The following FSHR variants were observed in gnomAD, a reference collection of about 807,000 sequenced individuals.
FSHR encodes the protein follicle-stimulating hormone receptor.
FSHR carries 46 observed loss-of-function variants against 52.1 expected under a neutral mutation model. That is an observed-to-expected ratio of 0.88 (90% CI 0.70 to 1.13). FSHR has a LOEUF of 1.13. FSHR is among the 50% of genes most tolerant of loss of function. The probability of loss-of-function intolerance (pLI) is 0.00; values close to 1 mark genes in which losing one functional copy is unlikely to be tolerated. For synonymous variants in FSHR, 399 were observed against 309.6 expected (o/e 1.29, Z -3.03); for missense variants, 964 against 834.6 (o/e 1.16, Z -1.91).
intron 4 of FSHR, among the ~76,000 whole-genome samples, chr2:48,993,388 G>A (rs1675872251): frequency 6.6e-6 from 1 of 152,088 alleles, no homozygotes; most frequent in Admixed American, 6.6e-5. Flanking sequence ...GACAGTTAAA[G>A]TTGGCTTGGC....
intron 1 of FSHR, among the ~76,000 whole-genome samples, chr2:49,080,143 C>T (rs1670112919): frequency 6.6e-6 from 1 of 152,094 alleles, no homozygotes; most frequent in South Asian, 2.1e-4. Flanking sequence ...GTAAACAATA[C>T]TTTGACACCT....
chr2:48,997,443 C>A (rs187880149), intron 4 of FSHR: 16 of 925,086 alleles, frequency 1.7e-5, no homozygotes, highest in Non-Finnish European at 2.1e-5. Flanking sequence ...TCTGTTCGGA[C>A]CTAGCATCCT....
At chr2:48,964,528 G>A (rs1487048371) in intron 9 of FSHR, among the ~76,000 whole-genome samples, 1 of 152,186 alleles carries the variant, frequency 6.6e-6, no homozygotes, top group East Asian at 1.9e-4. Flanking sequence ...TAATTTGCCG[G>A]AAATGTTACC....
At chr2:49,104,535 C>A (rs1034275938) in intron 1 of FSHR, among the ~76,000 whole-genome samples, 23 of 152,102 alleles carry the variant, frequency 1.5e-4, no homozygotes, top group African/African-American at 5.5e-4. Context: ...TCAGTCTTTT[C>A]TTTGCATTCT....
intron 4 of FSHR, among the ~76,000 whole-genome samples, chr2:49,011,384 G>T (rs1485685031): frequency 3.3e-5 from 5 of 152,088 alleles, no homozygotes; most frequent in Admixed American, 6.6e-5. Context: ...TTGCAATGTG[G>T]TCTGAGAGAT....
rs1674357170 is a variant in FSHR, at chr2:48,963,921, T to C, written c.900A>G (p.Glu300=). The change falls in exon 10 of 10, where the codon GAA becomes GAG. Residue 300 remains glutamate, a synonymous_variant. Transcript: ENST00000406846. The stretch of plus-strand genomic sequence containing the variant: ...CCCTAGCCTGAGTCATATAATCAAC[T>C]TCTTGCCTTAAAATAGATTTGTTGC... ...PICNKSILRQ[E]VDYMTQARGQ... The C allele has an allele frequency of 6.2e-7, 1 of 1,613,944 alleles. No individual in the cohort carries two copies. The highest frequency in any genetic ancestry group is 8.5e-7 in the Non-Finnish European group (1 of 1,179,914).
At chr2:49,005,130 T>C (rs1240118690) in intron 4 of FSHR, among the ~76,000 whole-genome samples, 1 of 152,158 alleles carries the variant, frequency 6.6e-6, no homozygotes, top group Admixed American at 6.5e-5. Flanking sequence ...TCAAGTGATC[T>C]CTTTGCTGAT....
In FSHR at chr2:48,963,135, C is replaced by G. The variant is rs1315632795; in HGVS notation, c.1686G>C (p.Val562=). ...CGATCCTGGTGTCACTAGAGGAGGACACGATGTTGGGGTTCCGCACTGTGA... is the reference window on the plus strand; with the variant it reads ...CGATCCTGGTGTCACTAGAGGAGGAGACGATGTTGGGGTTCCGCACTGTGA... ...IYLTVRNPNI[V]SSSSDTRIAK... The change falls in exon 10 of 10, where the codon GTG becomes GTC. Residue 562 remains valine (V), a synonymous_variant. Coordinates refer to ENST00000406846, the MANE Select transcript of FSHR (RefSeq NM_000145.4). 1 of 1,614,036 alleles carries G rather than the reference C, an allele frequency of 6.2e-7. No homozygotes were observed. Among genetic ancestry groups the G allele is most frequent in the Admixed American group, 1.7e-5 (1 of 59,990 alleles).
At chr2:49,065,479 G>A (rs1437421427) in intron 2 of FSHR, among the ~76,000 whole-genome samples, 1 of 152,116 alleles carries the variant, frequency 6.6e-6, no homozygotes, top group Non-Finnish European at 1.5e-5. Context: ...AGTCAAGGGA[G>A]ACTGGATTTT....
rs752516112 is a variant in FSHR, at chr2:48,962,799, T to C, written c.2022A>G (p.Ser674=). 6.8e-6 allele frequency: 11 copies of C among 1,614,138 alleles called. No homozygotes were observed. Among genetic ancestry groups the C allele is most frequent in the Non-Finnish European group, 9.3e-6 (11 of 1,179,986 alleles). The change falls in exon 10 of 10, where the codon TCA becomes TCG. Residue 674 remains serine, a synonymous_variant. Coordinates refer to ENST00000406846, the MANE Select transcript of FSHR (RefSeq NM_000145.4). ...TGGAACCACTGGTGACTCTGGGAGC[T>C]GAAGAGCAGTGGCCATTCCTTGGAT... ...NTHPRNGHCS[S]APRVTSGSTY... is the part of the protein sequence containing the mutation.
chr2:48,998,352 T>G (rs1418100982), intron 4 of FSHR, among the ~76,000 whole-genome samples: 2 of 152,130 alleles, frequency 1.3e-5, no homozygotes, highest in Non-Finnish European at 2.9e-5. Flanking sequence ...ATTGTTAATT[T>G]ATTGCTGAAA....
chr2:48,972,930 C>G (rs537046152), intron 8 of FSHR, among the ~76,000 whole-genome samples: 1 of 152,166 alleles, frequency 6.6e-6, no homozygotes, highest in Admixed American at 6.5e-5. Flanking sequence ...GAATATCATC[C>G]CATTATCTCA....
At chr2:48,978,960 G>T (rs1675115197) in intron 8 of FSHR, among the ~76,000 whole-genome samples, 1 of 152,158 alleles carries the variant, frequency 6.6e-6, no homozygotes, top group African/African-American at 2.4e-5. Context: ...AGCCAGTGAG[G>T]GAGGAAGATT....
At chr2:49,011,762 G>A (rs975862309) in intron 4 of FSHR, among the ~76,000 whole-genome samples, 1 of 152,058 alleles carries the variant, frequency 6.6e-6, no homozygotes, top group Non-Finnish European at 1.5e-5. Flanking sequence ...AGGTGCCACT[G>A]GATTCTTTGT....
intron 1 of FSHR, among the ~76,000 whole-genome samples, chr2:49,102,159 T>C (rs1303339239): frequency 6.6e-6 from 1 of 152,126 alleles, no homozygotes; most frequent in Non-Finnish European, 1.5e-5. Context: ...GGATTATACA[T>C]ACCTTTTTAT....
At chr2:49,062,258 C>G (rs1558418717) in intron 2 of FSHR, among the ~76,000 whole-genome samples, 1 of 152,068 alleles carries the variant, frequency 6.6e-6, no homozygotes. Flanking sequence ...AGAAATAAAC[C>G]TACATATTTA....
chr2:49,153,149 A>C (rs1395058572), intron 1 of FSHR, among the ~76,000 whole-genome samples: 1 of 152,256 alleles, frequency 6.6e-6, no homozygotes, highest in African/African-American at 2.4e-5. Flanking sequence ...TCCCTGAGTG[A>C]AAATCTGAAA....
chr2:49,145,102 C>T (rs1672822189), intron 1 of FSHR, among the ~76,000 whole-genome samples: 1 of 151,908 alleles, frequency 6.6e-6, no homozygotes, highest in Admixed American at 6.6e-5. Flanking sequence ...AAACTTTTAC[C>T]CAACAGGCAT....
intron 1 of FSHR, among the ~76,000 whole-genome samples, chr2:49,121,136 G>C (rs1331768554): frequency 6.6e-6 from 1 of 152,214 alleles, no homozygotes; most frequent in Non-Finnish European, 1.5e-5. Context: ...TTGTGTGTTA[G>C]GGAATAATGT....
Sources: gnomAD v4.1 joint callset for allele counts (sites outside exome capture counted in the v4.1 genomes callset) on GRCh38, gnomAD v4.1.1 for gene constraint, MANE v1.5 for transcripts, NCBI Gene and HGNC (gene_info 2026-07-23, HGNC 2026-07-21) for gene names.